SLC35F6: variants seen among roughly 807,000 people sequenced by gnomAD.
SLC35F6 encodes solute carrier family 35 member F6.
In SLC35F6, 26 loss-of-function variants were observed where a neutral mutation model predicts 29.4. The observed-to-expected ratio is 0.89, with a 90% CI of 0.65 to 1.23. SLC35F6 has a LOEUF of 1.23. Ranked by LOEUF, SLC35F6 falls within the 50% of genes most tolerant of loss-of-function variation. The probability of loss-of-function intolerance (pLI) is 0.00; values close to 1 mark genes in which losing one functional copy is unlikely to be tolerated. For missense variants in SLC35F6, 428 were observed against 487.8 expected (o/e 0.88, Z 1.15); for synonymous variants, 174 against 206.6 (o/e 0.84, Z 1.35).
chr2:26,764,717 G>T (rs1366198024), intron 1 of SLC35F6: 3 of 876,510 alleles, frequency 3.4e-6, no homozygotes, highest in Admixed American at 1.2e-4. Flanking sequence ...GGCCCTTCCA[G>T]TGCTGGCGTC....
At chr2:26,770,660 G>A (rs1664181116) in intron 1 of SLC35F6, among the ~76,000 whole-genome samples, 1 of 152,082 alleles carries the variant, frequency 6.6e-6, no homozygotes, top group Non-Finnish European at 1.5e-5. Flanking sequence ...AGAGGTTGCA[G>A]TGAGCCAAGA....
chr2:26,777,054 C>T (rs1271238843), intron 5 of SLC35F6, among the ~76,000 whole-genome samples: 2 of 152,226 alleles, frequency 1.3e-5, no homozygotes, highest in African/African-American at 2.4e-5. Context: ...CAAAAATTAG[C>T]TGGGCGTGGT....
At chr2:26,770,611 G>A (rs894378007) in intron 1 of SLC35F6, among the ~76,000 whole-genome samples, 2 of 152,060 alleles carry the variant, frequency 1.3e-5, no homozygotes, top group African/African-American at 2.4e-5. Context: ...CCAGCTACTT[G>A]GGAGGTTAAG....
In SLC35F6 at chr2:26,778,661, TAAC is replaced by T. The variant is rs947144879; in HGVS notation, c.*155_*157del. ...CCAGGGCAGCTGCTGCCACAGAAGA[TAAC>T]AACACCCAAGTCCTCTTTTTCTCAC... On this transcript the variant is annotated 3_prime_UTR_variant, in exon 6 of 6. Transcript: ENST00000344420. The T allele has an allele frequency of 4.1e-6, 3 of 725,292 alleles. No homozygotes were observed. Among genetic ancestry groups the T allele is most frequent in the Admixed American group, 3.0e-5 (1 of 33,686 alleles). 44.9% of individuals were successfully genotyped at this position (725,292 alleles called of 1,614,324 possible).
chr2:26,766,648 G>T (rs779726929), intron 1 of SLC35F6, among the ~76,000 whole-genome samples: 2 of 152,048 alleles, frequency 1.3e-5, no homozygotes, highest in Non-Finnish European at 2.9e-5. Flanking sequence ...TTTCCAGCAG[G>T]CACAGACAGA....
rs1327779616 is a variant in SLC35F6 at position 26,779,730 on chromosome 2, A to G, written c.*1219A>G. The G allele has an allele frequency of 6.7e-6, 1 of 148,746 alleles. No individual in the cohort carries two copies. Among genetic ancestry groups the G allele is most frequent in the Admixed American group, 6.7e-5 (1 of 14,932 alleles). The allele number at this position is 148,746 out of a possible 1,614,324, so 9.2% of individuals were successfully genotyped here. On this transcript the variant is annotated 3_prime_UTR_variant, in exon 6 of 6. Coordinates refer to ENST00000344420, the MANE Select transcript of SLC35F6 (RefSeq NM_017877.4). ...ACGGGGTTTTGCCATGTTGGCCAGG[A>G]TGGTCTCAATCTCCTGACCTCATGA...
rs1664381693 is a variant in SLC35F6 at position 26,780,108 on chromosome 2, A to ATGTG, written c.*1597_*1598insTGTG. The ATGTG allele has an allele frequency of 6.6e-6, 1 of 152,162 alleles. No homozygotes were observed. The highest frequency in any genetic ancestry group is 1.5e-5 in the Non-Finnish European group (1 of 68,092). 9.4% of individuals were successfully genotyped at this position (152,162 alleles called of 1,614,324 possible). A position where few individuals can be genotyped will look rare whatever the true frequency, so the allele number is the denominator to read the frequency against. Reference sequence around the variant, plus strand: ...AGACCTGAGCCACCACACCTGGGCAACAGAGTGAAACCTGTCCCTGTTTTC... The same window carrying ATGTG: ...AGACCTGAGCCACCACACCTGGGCAATGTGCAGAGTGAAACCTGTCCCTGTTTTC... On this transcript the variant is annotated 3_prime_UTR_variant, in exon 6 of 6. Transcript: ENST00000344420.
At position 26,778,231 on chromosome 2, in the gene SLC35F6, C is replaced by T. The variant is rs769224906; in HGVS notation, c.836C>T (p.Ala279Val). Residue 279 changes from alanine (A) to valine (V), a missense_variant, in exon 6 of 6, where the codon GCA becomes GTA. Ala to Val is a moderately conservative substitution (Grantham distance 64). Transcript: ENST00000344420. ...NISSIAFFNF[A>V]GISVTKELSA... ...AGCAGCATTGCCTTCTTCAACTTCGCAGGCATCAGCGTCACCAAGGAACTG... is the reference window on the plus strand; with the variant it reads ...AGCAGCATTGCCTTCTTCAACTTCGTAGGCATCAGCGTCACCAAGGAACTG... 1.2e-6 allele frequency: 2 copies of T among 1,614,210 alleles called. No individual in the cohort carries two copies. The highest frequency in any genetic ancestry group is 3.3e-5 in the Admixed American group (2 of 60,028).
chr2:26,764,697 T>C (rs1664062865), intron 1 of SLC35F6: 1 of 748,630 alleles, frequency 1.3e-6, no homozygotes, highest in Admixed American at 6.2e-5. Context: ...GTTGGCCGAT[T>C]CCTTTCCACG....
chr2:26,768,934 C>T (rs972529339), intron 1 of SLC35F6, among the ~76,000 whole-genome samples: 1 of 152,220 alleles, frequency 6.6e-6, no homozygotes, highest in Non-Finnish European at 1.5e-5. Flanking sequence ...TGCACCACCA[C>T]ACCCAGCTTA....
intron 4 of SLC35F6, among the ~76,000 whole-genome samples, chr2:26,776,158 A>C (rs1558294044): frequency 1.3e-5 from 2 of 152,218 alleles, no homozygotes. Flanking sequence ...GGCAGCTCTT[A>C]GACACAGGCA....
intron 4 of SLC35F6, 82 bp from the exon 5 acceptor site, chr2:26,776,290 T>G: frequency 4.8e-6 from 6 of 1,262,882 alleles, no homozygotes; most frequent in South Asian, 1.3e-5. Context: ...GGGGCTGGCA[T>G]GTTTGGTCGC....
At chr2:26,772,394 G>A (rs1292260845) in intron 1 of SLC35F6, among the ~76,000 whole-genome samples, 1 of 152,218 alleles carries the variant, frequency 6.6e-6, no homozygotes, top group Admixed American at 6.5e-5. Context: ...AAGAAGTCCC[G>A]AGTCTTGCAC....
chr2:26,772,535 A>T (rs914389708), intron 1 of SLC35F6, among the ~76,000 whole-genome samples: 5 of 152,176 alleles, frequency 3.3e-5, no homozygotes, highest in African/African-American at 1.2e-4. Context: ...GAGCTGTGTC[A>T]ACGAACCCAG....
rs775522513 is a variant in SLC35F6 at position 26,775,172 on chromosome 2, C to T, written c.279C>T (p.Pro93=). Residue 93 remains proline, a synonymous_variant, in exon 3 of 6, where the codon CCC becomes CCT. Coordinates refer to ENST00000344420, the MANE Select transcript of SLC35F6 (RefSeq NM_017877.4). The surrounding 1 kb of genome is among the most constrained non-coding windows in gnomAD (Gnocchi z 4.6). ...QQPFNPLLFL[P]PALCDMTGTS... ...CCTTCAACCCTCTTCTTTTCCTGCCCCCAGCGCTCTGTGACATGACAGGGA... is the reference window on the plus strand; with the variant it reads ...CCTTCAACCCTCTTCTTTTCCTGCCTCCAGCGCTCTGTGACATGACAGGGA... The T allele has an allele frequency of 6.8e-6, 11 of 1,614,080 alleles. No homozygotes were observed. Among genetic ancestry groups the T allele is most frequent in the Non-Finnish European group, 7.6e-6 (9 of 1,180,022 alleles).
Position 26,765,749 on chromosome 2 carries a change from C to T in SLC35F6, c.77+1323C>T, listed in dbSNP as rs530414062. Among the ~76,000 whole-genome samples the T allele has an allele frequency of 3.0e-3, 458 of 152,344 alleles. 3 individuals are homozygous for T. Among genetic ancestry groups the T allele is most frequent in the Non-Finnish European group, 5.4e-3 (370 of 68,032 alleles). ...CTGGCCAACTGTGCCTTGTGGAGAA[C>T]TACTAGCTTCCCAGGCCCTGCATCC... On this transcript the variant is annotated intron_variant, in intron 1 of 5. Coordinates refer to ENST00000344420, the MANE Select transcript of SLC35F6 (RefSeq NM_017877.4).
At chr2:26,769,656 A>G (rs537354835) in intron 1 of SLC35F6, among the ~76,000 whole-genome samples, 31 of 152,276 alleles carry the variant, frequency 2.0e-4, no homozygotes, top group Non-Finnish European at 2.9e-4. Context: ...GGCTCTGTGA[A>G]CTGCAGGGAC....
chr2:26,776,209 C>T (rs1664297570), intron 4 of SLC35F6, among the ~76,000 whole-genome samples, 163 bp from the exon 5 acceptor site: 1 of 152,218 alleles, frequency 6.6e-6, no homozygotes, highest in Admixed American at 6.5e-5. Flanking sequence ...GCATGCCCCT[C>T]AGGAACCAGG....
chr2:26,764,780 C>T (rs961076564), intron 1 of SLC35F6: 3 of 985,190 alleles, frequency 3.0e-6, no homozygotes, highest in Non-Finnish European at 3.6e-6. Flanking sequence ...GACTTGTGCA[C>T]ATGAGCCGCA....
Sources: allele counts gnomAD v4.1 joint callset (sites outside exome capture counted in the v4.1 genomes callset), GRCh38; gene constraint gnomAD v4.1.1; non-coding constraint Gnocchi (gnomAD v3.1); transcripts MANE v1.5; gene names NCBI Gene and HGNC (gene_info 2026-07-23, HGNC 2026-07-21).